Variants in GCA observed in about 807,000 individuals in gnomAD.
GCA encodes grancalcin.
In GCA, 30 loss-of-function variants were observed where a neutral mutation model predicts 32.6. The ratio of observed to expected loss-of-function variants is 0.92; its 90% CI spans 0.69 to 1.25. The LOEUF (loss-of-function observed/expected upper bound fraction) is 1.25, where lower values mean the gene tolerates loss of function less well. Among genes scored for constraint, GCA ranks in the 50% most tolerant of loss-of-function variants. The pLI, the probability that GCA is intolerant of heterozygous loss-of-function variation, is 0.00. For missense variants in GCA, 291 were observed against 266.8 expected (o/e 1.09, Z -0.63); for synonymous variants, 102 against 84.6 (o/e 1.21, Z -1.13).
At position 162,361,265 on chromosome 2, in the gene GCA, G is replaced by A. The variant is rs1000456407; in HGVS notation, c.*1022G>A. On this transcript the variant is annotated 3_prime_UTR_variant, in exon 8 of 8. Coordinates refer to ENST00000437150, the MANE Select transcript of GCA (RefSeq NM_012198.5). ...GTAGGCACCACAGCAACTTTTCTGCGTGGTACTAAAACTGCCGAAAATGCG... is the reference window on the plus strand; with the variant it reads ...GTAGGCACCACAGCAACTTTTCTGCATGGTACTAAAACTGCCGAAAATGCG... 34 of 984,514 alleles carry A rather than the reference G, an allele frequency of 3.5e-5. No homozygotes were observed. The highest frequency in any genetic ancestry group is 3.4e-4 in the East Asian group (3 of 8,796). 61.0% of individuals were successfully genotyped at this position (984,514 alleles called of 1,614,324 possible).
chr2:162,373,528 C>A, downstream of GCA: 1 of 1,587,616 alleles, frequency 6.3e-7, no homozygotes, highest in Non-Finnish European at 8.6e-7. Context: ...TTGACTGGTT[C>A]TCATCAGCTG....
intron 6 of GCA, 152 bp downstream of exon 6, chr2:162,359,309 G>T: frequency 1.6e-6 from 1 of 619,556 alleles, no homozygotes; most frequent in Non-Finnish European, 2.9e-6. Flanking sequence ...AAATATTAAG[G>T]AATATAAATG....
At chr2:162,371,531 T>A in exon 5 of GCA, 1 of 1,062,346 alleles carries the variant, frequency 9.4e-7, no homozygotes, top group Non-Finnish European at 1.2e-6. Context: ...AATAGGAGTC[T>A]CCATGCAAGA....
intron 1 of GCA, among the ~76,000 whole-genome samples, chr2:162,331,241 G>A (rs1684071378): frequency 6.6e-6 from 1 of 152,214 alleles, no homozygotes; most frequent in Non-Finnish European, 1.5e-5. Flanking sequence ...TTTGACCTCA[G>A]TTAGGAATCT....
exon 1 of GCA, chr2:162,319,034 G>A (rs895798006): frequency 4.9e-6 from 2 of 410,566 alleles, no homozygotes; most frequent in Admixed American, 5.3e-5. Flanking sequence ...GACGTGAACA[G>A]GGAGTTACCC....
chr2:162,361,347 A>G lies in GCA; in HGVS notation c.*1104A>G, dbSNP rs1685563512. ...ATCCCTGGTATAAGATGTTATAATT[A>G]ATGTAATTTCTTTCTTGGCAAACAC... On this transcript the variant is annotated 3_prime_UTR_variant, in exon 8 of 8. Coordinates refer to ENST00000437150, the MANE Select transcript of GCA (RefSeq NM_012198.5). The G allele has an allele frequency of 5.1e-6, 5 of 980,548 alleles. No individual in the cohort carries two copies. The highest frequency in any genetic ancestry group is 6.1e-6 in the Non-Finnish European group (5 of 825,790). The allele number at this position is 980,548 out of a possible 1,614,324, so 60.7% of individuals were successfully genotyped here. A position where few individuals can be genotyped will look rare whatever the true frequency, so the allele number is the denominator to read the frequency against.
upstream of GCA, chr2:162,344,091 C>T: frequency 1.4e-6 from 1 of 733,176 alleles, no homozygotes; most frequent in Non-Finnish European, 2.4e-6. Context: ...CGGGGCTGGC[C>T]TGCGGAAGGG....
intron 1 of GCA, among the ~76,000 whole-genome samples, chr2:162,345,334 C>T (rs946662611): frequency 1.3e-5 from 2 of 152,100 alleles, no homozygotes; most frequent in African/African-American, 4.8e-5. Flanking sequence ...GAAAGTAAAG[C>T]CCCTTCGAAG....
downstream of GCA, among the ~76,000 whole-genome samples, chr2:162,365,410 A>T (rs933685389): frequency 5.3e-5 from 8 of 151,676 alleles, no homozygotes; most frequent in Non-Finnish European, 4.4e-5. Context: ...AATACCACAT[A>T]CCAATCTTTG....
At position 162,371,536 on chromosome 2, in the gene GCA, G is replaced by A. The variant is rs139708686; in HGVS notation, c.*156G>A. 2.0e-3 allele frequency: 2,069 copies of A among 1,046,374 alleles called. 2 individuals are homozygous for A. Among genetic ancestry groups the A allele is most frequent in the Non-Finnish European group, 2.1e-3 (1,677 of 810,486 alleles). 64.8% of individuals were successfully genotyped at this position (1,046,374 alleles called of 1,614,324 possible). A position where few individuals can be genotyped will look rare whatever the true frequency, so the allele number is the denominator to read the frequency against. On this transcript the variant is annotated 3_prime_UTR_variant, in exon 5 of 5. Coordinates refer to the GCA transcript ENST00000414723. ...AAAAGCAGTAAATAGGAGTCTCCATGCAAGAGAAATTGGAGTTTCCTAACA... is the reference window on the plus strand; with the variant it reads ...AAAAGCAGTAAATAGGAGTCTCCATACAAGAGAAATTGGAGTTTCCTAACA...
At chr2:162,344,636 A>C in intron 1 of GCA, 1 of 343,894 alleles carries the variant, frequency 2.9e-6, no homozygotes, top group South Asian at 4.8e-5. Context: ...GTTGCTAGAG[A>C]TCCTCTTTTT....
intron 1 of GCA, among the ~76,000 whole-genome samples, chr2:162,329,181 C>G (rs1220518722): frequency 6.6e-6 from 1 of 152,252 alleles, no homozygotes; most frequent in East Asian, 1.9e-4. Flanking sequence ...GCAGGAAATG[C>G]CTGTCCTCAC....
In GCA at chr2:162,356,920, A is replaced by G. The variant is rs1248313717; in HGVS notation, c.454+15A>G. 1 of 1,551,984 alleles carries G rather than the reference A, an allele frequency of 6.4e-7. No individual in the cohort carries two copies. Among genetic ancestry groups the G allele is most frequent in the Non-Finnish European group, 8.8e-7 (1 of 1,135,110 alleles). ...TGGTCTTATGGGTAAGAACATTAAC[A>G]TTCTTTAGAATCTATAAAGCTAATC... On this transcript the variant is annotated intron_variant, in intron 5 of 7. Transcript: ENST00000437150.
At chr2:162,343,112 C>G (rs1396767979), upstream of GCA, among the ~76,000 whole-genome samples, 1 of 152,238 alleles carries the variant, frequency 6.6e-6, no homozygotes, top group Non-Finnish European at 1.5e-5. Context: ...CTCTGCAAGG[C>G]TGATTTCCTT....
At chr2:162,320,452 T>C (rs1325023468) in intron 1 of GCA, among the ~76,000 whole-genome samples, 2 of 152,210 alleles carry the variant, frequency 1.3e-5, no homozygotes, top group African/African-American at 4.8e-5. Flanking sequence ...CCAAAAAACA[T>C]TCTTTTTCCT....
chr2:162,355,785 A>G (rs1271637378), intron 3 of GCA, among the ~76,000 whole-genome samples: 4 of 150,186 alleles, frequency 2.7e-5, no homozygotes, highest in Admixed American at 2.0e-4. Context: ...TTCAATTCAG[A>G]TGCTCATTTT....
At chr2:162,348,402 A>G (rs1444434730) in intron 2 of GCA, among the ~76,000 whole-genome samples, 1 of 152,202 alleles carries the variant, frequency 6.6e-6, no homozygotes, top group Non-Finnish European at 1.5e-5. Flanking sequence ...AAATTTATTC[A>G]GGTTGAGAAA....
Position 162,347,672 on chromosome 2 carries a change from C to T in GCA, c.122C>T (p.Pro41Leu). The T allele has an allele frequency of 3.1e-6, 5 of 1,610,184 alleles. No individual in the cohort carries two copies. Among genetic ancestry groups the T allele is most frequent in the Non-Finnish European group, 4.2e-6 (5 of 1,177,312 alleles). The part of the protein sequence containing the change: ...PAILLDGYSG[P>L]AYSDTYSSAG... ...ATACTCCTCGATGGATACTCTGGGC[C>T]AGCATATTCAGACACTTATTCCTCA... The change falls in exon 2 of 8, where the codon CCA becomes CTA. Residue 41 changes from proline (P) to leucine (L), a missense_variant. Transcript: ENST00000437150.
chr2:162,343,505 T>A (rs1333505818), upstream of GCA, among the ~76,000 whole-genome samples: 1 of 152,174 alleles, frequency 6.6e-6, no homozygotes, highest in East Asian at 1.9e-4. Context: ...TATTTGGAAA[T>A]CAACTTTAAC....
Sources: gnomAD v4.1 joint callset for allele counts (sites outside exome capture counted in the v4.1 genomes callset) on GRCh38, gnomAD v4.1.1 for gene constraint, MANE v1.5 for transcripts, NCBI Gene and HGNC (gene_info 2026-07-23, HGNC 2026-07-21) for gene names.